SLC26A7: variants seen among roughly 807,000 people sequenced by gnomAD.
SLC26A7 encodes anion exchange transporter.
SLC26A7 carries 59 observed loss-of-function variants against 82.5 expected under a neutral mutation model. That is an observed-to-expected ratio of 0.72 (90% CI 0.58 to 0.89). SLC26A7 has a LOEUF of 0.89. Ranked by LOEUF, SLC26A7 falls within the 40% of genes least tolerant of loss-of-function variation. SLC26A7 has a pLI of 0.00. For synonymous variants in SLC26A7, 271 were observed against 274.3 expected, an observed-to-expected ratio of 0.99 and a Z score of 0.12; for missense variants, 820 against 793.0, an observed-to-expected ratio of 1.03 and a Z score of -0.41.
At chr8:91,268,246 T>A (rs1476924394) in intron 2 of SLC26A7, among the ~76,000 whole-genome samples, 1 of 152,006 alleles carries the variant, frequency 6.6e-6, no homozygotes, top group East Asian at 1.9e-4. Flanking sequence ...AGTCCCCTAC[T>A]ATTACTGTAT....
chr8:91,305,579 G>T (rs1299457899), intron 4 of SLC26A7, among the ~76,000 whole-genome samples: 1 of 152,138 alleles, frequency 6.6e-6, no homozygotes, highest in Admixed American at 6.5e-5. Context: ...GAGTCAAATT[G>T]TCTATCCCTA....
chr8:91,289,509 G>C (rs1220533233), intron 3 of SLC26A7, among the ~76,000 whole-genome samples: 2 of 152,192 alleles, frequency 1.3e-5, no homozygotes, highest in African/African-American at 4.8e-5. Context: ...ATGGGGCGTG[G>C]TAGTACACGC....
chr8:91,389,553 C>T (rs1181442569), intron 16 of SLC26A7, 115 bp downstream of exon 16: 1 of 756,906 alleles, frequency 1.3e-6, no homozygotes. Context: ...CATCTCACCC[C>T]ATTATTTACA....
intron 1 of SLC26A7, among the ~76,000 whole-genome samples, chr8:91,210,069 G>C (rs1357686322): frequency 6.6e-6 from 1 of 152,150 alleles, no homozygotes; most frequent in African/African-American, 2.4e-5. Flanking sequence ...TGGAGTCATA[G>C]ACAGAACCAA....
chr8:91,267,789 A>G (rs1228379023), intron 2 of SLC26A7, among the ~76,000 whole-genome samples: 1 of 151,376 alleles, frequency 6.6e-6, no homozygotes. Context: ...ATTTCCTTTT[A>G]CTAATTAGTG....
At chr8:91,257,150 T>C (rs1051300430) in intron 2 of SLC26A7, among the ~76,000 whole-genome samples, 1 of 152,122 alleles carries the variant, frequency 6.6e-6, no homozygotes, top group Non-Finnish European at 1.5e-5. Flanking sequence ...TATTGCTCTT[T>C]CCCCTGAGGT....
At chr8:91,221,285 G>T (rs1345348765) in intron 2 of SLC26A7, among the ~76,000 whole-genome samples, 1 of 152,080 alleles carries the variant, frequency 6.6e-6, no homozygotes, top group African/African-American at 2.4e-5. Flanking sequence ...TGTCAGATGG[G>T]TCGATTGCAA....
intron 11 of SLC26A7, among the ~76,000 whole-genome samples, chr8:91,360,079 G>A (rs1262241564): frequency 6.6e-6 from 1 of 152,062 alleles, no homozygotes; most frequent in East Asian, 1.9e-4. Flanking sequence ...TCCAAATGGA[G>A]GCTCAACTCA....
At chr8:91,375,166 G>T (rs940353776) in intron 15 of SLC26A7, among the ~76,000 whole-genome samples, 41 of 151,858 alleles carry the variant, frequency 2.7e-4, no homozygotes, top group African/African-American at 9.7e-4. Flanking sequence ...GCAGCAGATG[G>T]TTGGGTCTTT....
chr8:91,374,506 G>A (rs1330340712), intron 15 of SLC26A7, among the ~76,000 whole-genome samples: 1 of 151,956 alleles, frequency 6.6e-6, no homozygotes, highest in Non-Finnish European at 1.5e-5. Flanking sequence ...TCAGGAGCAA[G>A]TTGCTTAATT....
At chr8:91,335,292 ACT>A (rs373208483) in intron 6 of SLC26A7, among the ~76,000 whole-genome samples, 51 of 152,200 alleles carry the variant, frequency 3.4e-4, no homozygotes, top group Middle Eastern at 3.4e-3. Context: ...TAAGGCTACG[ACT>A]CATTTCTATA....
intron 5 of SLC26A7, among the ~76,000 whole-genome samples, 170 bp from the exon 6 acceptor site, chr8:91,334,125 T>A (rs1409867122): frequency 6.6e-6 from 1 of 152,198 alleles, no homozygotes; most frequent in Non-Finnish European, 1.5e-5. Flanking sequence ...TTTGTAGATG[T>A]AAATAAATAC....
chr8:91,230,663 T>A (rs188692883), intron 2 of SLC26A7, among the ~76,000 whole-genome samples: 11 of 152,262 alleles, frequency 7.2e-5, no homozygotes, highest in Admixed American at 2.0e-4. Context: ...ATTAAATGAA[T>A]CAATTTATGA....
intron 4 of SLC26A7, among the ~76,000 whole-genome samples, chr8:91,313,908 T>A (rs1176308849): frequency 6.6e-6 from 1 of 152,222 alleles, no homozygotes; most frequent in East Asian, 1.9e-4. Context: ...ATGTACTCTT[T>A]GTTATTTTTA....
In SLC26A7 at chr8:91,367,726, CTTAG is replaced by C. The variant is rs1814236264; in HGVS notation, c.1626+1014_1626+1017del. Among the ~76,000 whole-genome samples the C allele has an allele frequency of 2.0e-5, 3 of 152,206 alleles. No homozygotes were observed. In the South Asian group the frequency reaches 6.2e-4, roughly 32 times the overall value. On this transcript the variant is annotated intron_variant, in intron 14 of 18. Coordinates refer to ENST00000276609, the MANE Select transcript of SLC26A7 (RefSeq NM_052832.4). ...TTTGGCCTACTCAACACTATAACAT[CTTAG>C]TTAGCATTATTAGTTTGGTTGACTA...
At chr8:91,218,560 C>T (rs752680554) in intron 1 of SLC26A7, among the ~76,000 whole-genome samples, 9 of 152,046 alleles carry the variant, frequency 5.9e-5, no homozygotes, top group Non-Finnish European at 1.2e-4. Flanking sequence ...ATTTAATACC[C>T]CTGAAGGACA....
chr8:91,269,122 ACAC>A (rs1020051257), intron 2 of SLC26A7, among the ~76,000 whole-genome samples: 3 of 152,074 alleles, frequency 2.0e-5, no homozygotes, highest in Non-Finnish European at 4.4e-5. Flanking sequence ...AGTGGTTTAT[ACAC>A]CACAATTACA....
At chr8:91,309,998 C>T (rs1812432679) in intron 4 of SLC26A7, among the ~76,000 whole-genome samples, 2 of 152,142 alleles carry the variant, frequency 1.3e-5, no homozygotes, top group Non-Finnish European at 1.5e-5. Context: ...ATGGTTGGGC[C>T]CACTTGCTCA....
At chr8:91,368,219 A>G (rs1814249749) in intron 14 of SLC26A7, among the ~76,000 whole-genome samples, 2 of 152,148 alleles carry the variant, frequency 1.3e-5, no homozygotes, top group Admixed American at 1.3e-4. Context: ...TACCTTGATC[A>G]CCTGGATAAG....
Sources: allele counts gnomAD v4.1 joint callset (sites outside exome capture counted in the v4.1 genomes callset), GRCh38; gene constraint gnomAD v4.1.1; transcripts MANE v1.5; gene names NCBI Gene and HGNC (gene_info 2026-07-23, HGNC 2026-07-21).